The following UNC5C variants were observed in gnomAD, a reference collection of about 807,000 sequenced individuals.
The protein encoded by UNC5C is unc-5 netrin receptor C, also known as netrin receptor UNC5C.
UNC5C carries 47 observed loss-of-function variants against 99.8 expected under a neutral mutation model. The ratio of observed to expected loss-of-function variants is 0.47; its 90% CI spans 0.37 to 0.60. The LOEUF is 0.60. Among genes scored for constraint, UNC5C ranks in the 20% least tolerant of loss-of-function variants. The pLI is 0.00. For missense variants in UNC5C, 1,062 were observed against 1,165.9 expected (o/e 0.91, Z 1.30); for synonymous variants, 487 against 452.2 (o/e 1.08, Z -0.98).
chr4:95,517,620 C>T (rs565405536), intron 1 of UNC5C, among the ~76,000 whole-genome samples: 1 of 152,264 alleles, frequency 6.6e-6, no homozygotes, highest in South Asian at 2.1e-4. Context: ...GTTGGGATTA[C>T]AGCCTTCCCA....
chr4:95,412,881 G>C (rs950711047), intron 1 of UNC5C, among the ~76,000 whole-genome samples: 3 of 152,142 alleles, frequency 2.0e-5, no homozygotes, highest in Non-Finnish European at 4.4e-5. Context: ...GCATGGACAG[G>C]AACAGTAGAG....
At chr4:95,507,536 C>G (rs1008046133) in intron 1 of UNC5C, among the ~76,000 whole-genome samples, 10 of 151,946 alleles carry the variant, frequency 6.6e-5, no homozygotes, top group Non-Finnish European at 1.3e-4. Flanking sequence ...TCTGATTTTT[C>G]TTCCTCTACA....
At chr4:95,185,294 C>T in intron 12 of UNC5C, 98 bp from the exon 13 acceptor site, 21 of 1,446,094 alleles carry the variant, frequency 1.5e-5, no homozygotes, top group Non-Finnish European at 2.0e-5. Flanking sequence ...TCCTGAATGG[C>T]AGGCGGAACT....
chr4:95,373,912 A>C lies in UNC5C; in HGVS notation c.125-38281T>G, dbSNP rs113774258. ...ATATGATGAAGTTATTTTGATGACA[A>C]TCTCTAATGGAATCACTACACATGA... On this transcript the variant is annotated intron_variant, in intron 1 of 15. Coordinates refer to ENST00000453304, the MANE Select transcript of UNC5C (RefSeq NM_003728.4). Among the ~76,000 whole-genome samples, 15 of 152,292 alleles carry C rather than the reference A, an allele frequency of 9.8e-5. No homozygotes were observed. In the East Asian group the frequency reaches 2.3e-3, roughly 23 times the overall value.
chr4:95,529,045 G>A (rs549154640), intron 1 of UNC5C, among the ~76,000 whole-genome samples: 1 of 149,350 alleles, frequency 6.7e-6, no homozygotes, highest in South Asian at 2.1e-4. Flanking sequence ...TTTCATATCC[G>A]TTTACCAGCT....
At chr4:95,242,280 C>A in intron 7 of UNC5C, 149 bp downstream of exon 7, 1 of 1,200,328 alleles carries the variant, frequency 8.3e-7, no homozygotes, top group Non-Finnish European at 1.1e-6. Flanking sequence ...TTCGCTTTTT[C>A]CAATTTTGAG....
intron 14 of UNC5C, 111 bp downstream of exon 14, chr4:95,182,786 C>T: frequency 8.2e-7 from 1 of 1,215,312 alleles, no homozygotes; most frequent in Non-Finnish European, 1.1e-6. Context: ...CTATAGAAAG[C>T]TTTTGAGGAC....
rs140770213 is a variant in UNC5C at position 95,232,843 on chromosome 4, C to T, written c.1108+9586G>A. On this transcript the variant is annotated intron_variant, in intron 7 of 15. Coordinates refer to ENST00000453304, the MANE Select transcript of UNC5C (RefSeq NM_003728.4). Reference sequence around the variant, plus strand: ...CAGAATATTTATTTGCCAGCTGGGACGCTACACATATCAAGAACTACACAA... The same window carrying T: ...CAGAATATTTATTTGCCAGCTGGGATGCTACACATATCAAGAACTACACAA... Among the ~76,000 whole-genome samples, 489 of 137,656 alleles carry T rather than the reference C, an allele frequency of 3.6e-3. 4 individuals are homozygous for T. Among genetic ancestry groups the T allele is most frequent in the African/African-American group, 0.012 (456 of 38,498 alleles). 90.3% of individuals were successfully genotyped at this position (137,656 alleles called of 152,430 possible). A position where few individuals can be genotyped will look rare whatever the true frequency, so the allele number is the denominator to read the frequency against.
At position 95,211,595 on chromosome 4, in the gene UNC5C, C is replaced by T. The variant is rs576253568; in HGVS notation, c.1733+4529G>A. On this transcript the variant is annotated intron_variant, in intron 10 of 15. Transcript: ENST00000453304. ...CTGAGCATATTTTTTTCCTCATGGA[C>T]ATGCGGATCTTGTAACTTAACACAT... Among the ~76,000 whole-genome samples, 20 of 152,290 alleles carry T rather than the reference C, an allele frequency of 1.3e-4. 1 individual carries two copies. The highest frequency in any genetic ancestry group is 4.8e-4 in the African/African-American group (20 of 41,568).
At chr4:95,420,924 T>C (rs1473226951) in intron 1 of UNC5C, among the ~76,000 whole-genome samples, 1 of 152,198 alleles carries the variant, frequency 6.6e-6, no homozygotes, top group Non-Finnish European at 1.5e-5. Context: ...TTATGAAGCC[T>C]AAAACCAAGG....
intron 2 of UNC5C, among the ~76,000 whole-genome samples, chr4:95,328,026 G>A (rs931065110): frequency 7.9e-6 from 1 of 125,790 alleles, no homozygotes; most frequent in Non-Finnish European, 1.6e-5. Flanking sequence ...CCAGAGCTCT[G>A]TCACAGGCAA....
At chr4:95,460,989 A>G (rs1409525882) in intron 1 of UNC5C, among the ~76,000 whole-genome samples, 3 of 152,238 alleles carry the variant, frequency 2.0e-5, no homozygotes, top group Non-Finnish European at 4.4e-5. Context: ...CTTTCTATGT[A>G]GGCACAATGG....
At chr4:95,269,469 G>A (rs567138521) in intron 4 of UNC5C, among the ~76,000 whole-genome samples, 30 of 151,914 alleles carry the variant, frequency 2.0e-4, no homozygotes, top group Middle Eastern at 3.4e-3. Flanking sequence ...TTTATTTTTT[G>A]TAGAGTTGGG....
chr4:95,435,435 CTT>C (rs1274992837), intron 1 of UNC5C, among the ~76,000 whole-genome samples: 2 of 152,014 alleles, frequency 1.3e-5, no homozygotes, highest in African/African-American at 4.8e-5. Context: ...TGTCATAACT[CTT>C]ATTTTAAAAA....
intron 1 of UNC5C, among the ~76,000 whole-genome samples, chr4:95,393,863 T>TTTTTTA (rs767724274): frequency 3.3e-4 from 48 of 146,324 alleles, no homozygotes; most frequent in Middle Eastern, 3.5e-3. Flanking sequence ...TTTTTTTTTT[T>TTTTTTA]AAAAAAAAAC....
intron 10 of UNC5C, among the ~76,000 whole-genome samples, chr4:95,214,473 G>C (rs921079859): frequency 1.3e-5 from 2 of 152,218 alleles, no homozygotes; most frequent in African/African-American, 4.8e-5. Context: ...AAAGTGTCTA[G>C]CTTTATCAAT....
At chr4:95,299,212 T>C (rs946828527) in intron 3 of UNC5C, among the ~76,000 whole-genome samples, 3 of 151,878 alleles carry the variant, frequency 2.0e-5, no homozygotes, top group African/African-American at 4.8e-5. Context: ...AAGAAGAAAT[T>C]TGGACACACA....
At chr4:95,375,250 GT>G (rs1432227133) in intron 1 of UNC5C, among the ~76,000 whole-genome samples, 1 of 152,050 alleles carries the variant, frequency 6.6e-6, no homozygotes, top group Non-Finnish European at 1.5e-5. Flanking sequence ...ATTAGAATTG[GT>G]TATGAAGAAC....
intron 1 of UNC5C, among the ~76,000 whole-genome samples, chr4:95,488,158 A>G (rs1026229090): frequency 6.6e-6 from 1 of 151,752 alleles, no homozygotes; most frequent in Admixed American, 6.6e-5. Context: ...AAATATTCTG[A>G]AAATAACCAT....
Sources: allele counts gnomAD v4.1 joint callset (sites outside exome capture counted in the v4.1 genomes callset), GRCh38; gene constraint gnomAD v4.1.1; transcripts MANE v1.5; gene names NCBI Gene and HGNC (gene_info 2026-07-23, HGNC 2026-07-21).